The following MARCHF8 variants were observed in gnomAD, a reference collection of about 807,000 sequenced individuals.
MARCHF8 encodes the protein membrane associated ring-CH-type finger 8, also known as E3 ubiquitin-protein ligase MARCHF8.
In MARCHF8, 40 loss-of-function variants were observed where a neutral mutation model predicts 51.6. The observed-to-expected ratio is 0.77, with a 90% CI of 0.60 to 1.01. The LOEUF (loss-of-function observed/expected upper bound fraction) is 1.01. Among genes scored for constraint, MARCHF8 ranks in the 50% least tolerant of loss-of-function variants. The pLI is 0.00. For synonymous variants in MARCHF8, 263 were observed against 280.3 expected (o/e 0.94, Z 0.62); for missense variants, 685 against 708.6 (o/e 0.97, Z 0.38).
chr10:45,512,923 A>AC (rs2043555474), intron 2 of MARCHF8, among the ~76,000 whole-genome samples: 1 of 151,756 alleles, frequency 6.6e-6, no homozygotes, highest in Non-Finnish European at 1.5e-5. Flanking sequence ...CGGTGACCTT[A>AC]CCCCCAACCC....
chr10:45,459,099 T>C, intron 7 of MARCHF8, 21 bp downstream of exon 7: 1 of 1,613,634 alleles, frequency 6.2e-7, no homozygotes, highest in Non-Finnish European at 8.5e-7. Context: ...ATGCTGAGCT[T>C]GCTCCAGCCT....
At chr10:45,477,295 G>A (rs78750625) in intron 3 of MARCHF8, among the ~76,000 whole-genome samples, 2,948 of 152,280 alleles carry the variant, frequency 0.019, 47 homozygotes, top group South Asian at 0.076. Flanking sequence ...AGCAAAAGCT[G>A]AGGGAATTCA....
intron 3 of MARCHF8, among the ~76,000 whole-genome samples, chr10:45,474,387 G>C (rs903942220): frequency 6.6e-6 from 1 of 152,024 alleles, no homozygotes; most frequent in Non-Finnish European, 1.5e-5. Flanking sequence ...GGTACCCCGA[G>C]ACAATGGCCC....
intron 1 of MARCHF8, among the ~76,000 whole-genome samples, chr10:45,566,114 G>T (rs1281168946): frequency 6.6e-6 from 1 of 152,098 alleles, no homozygotes; most frequent in Non-Finnish European, 1.5e-5. Flanking sequence ...ATGTGGCACT[G>T]AACAGACTGG....
chr10:45,546,263 C>T (rs1244603485), intron 1 of MARCHF8, among the ~76,000 whole-genome samples: 1 of 151,902 alleles, frequency 6.6e-6, no homozygotes, highest in South Asian at 2.1e-4. Context: ...CTGGTTCAAG[C>T]GATTGCGCTG....
intron 1 of MARCHF8, among the ~76,000 whole-genome samples, chr10:45,576,684 G>A (rs2044492887): frequency 6.6e-6 from 1 of 151,832 alleles, no homozygotes; most frequent in Non-Finnish European, 1.5e-5. Flanking sequence ...CACTCTGGGA[G>A]GCCAAGGCAG....
chr10:45,578,003 CAG>C (rs2044509163), intron 1 of MARCHF8, among the ~76,000 whole-genome samples: 2 of 152,130 alleles, frequency 1.3e-5, no homozygotes, highest in Non-Finnish European at 2.9e-5. Context: ...GCCTAGGAGA[CAG>C]AGTGAGACCC....
At position 45,561,675 on chromosome 10, in the gene MARCHF8, C is replaced by T. The variant is rs909300054; in HGVS notation, c.-78-28386G>A. Among the ~76,000 whole-genome samples, 22 of 150,656 alleles carry T rather than the reference C, an allele frequency of 1.5e-4. No individual in the cohort carries two copies. The East Asian group carries it at 4.4e-3, about 30-fold the overall frequency. On this transcript the variant is annotated intron_variant, in intron 1 of 6. Transcript: ENST00000319836. Reference sequence around the variant, plus strand: ...CAGCACTTTGGGAGGCTGAGGCGGGCAGATCACAAGGTCAGGAGATCGAGA... The same window carrying T: ...CAGCACTTTGGGAGGCTGAGGCGGGTAGATCACAAGGTCAGGAGATCGAGA...
chr10:45,502,667 G>T (rs1029919782), intron 2 of MARCHF8, among the ~76,000 whole-genome samples: 1 of 152,112 alleles, frequency 6.6e-6, no homozygotes, highest in Non-Finnish European at 1.5e-5. Context: ...TGACAAAAGA[G>T]ACCTGTTTAC....
At chr10:45,501,918 G>T (rs10900222) in intron 2 of MARCHF8, among the ~76,000 whole-genome samples, 48,753 of 151,790 alleles carry the variant, frequency 0.32, 7,997 homozygotes, top group Admixed American at 0.37. Context: ...ATAAATGAAA[G>T]TAAAATCACA....
intron 2 of MARCHF8, among the ~76,000 whole-genome samples, chr10:45,490,623 TA>T (rs973908630): frequency 1.1e-4 from 16 of 146,476 alleles, no homozygotes; most frequent in South Asian, 4.3e-4. Flanking sequence ...TGACTTTCTT[TA>T]AAAAAAAAAA....
At chr10:45,592,476 A>G (rs2133451587) in intron 1 of MARCHF8, among the ~76,000 whole-genome samples, 1 of 152,292 alleles carries the variant, frequency 6.6e-6, no homozygotes, top group South Asian at 2.1e-4. Flanking sequence ...GGGGGGAAAA[A>G]GCACATACCA....
chr10:45,509,212 C>T (rs1203906861), intron 2 of MARCHF8, among the ~76,000 whole-genome samples: 1 of 152,122 alleles, frequency 6.6e-6, no homozygotes, highest in Non-Finnish European at 1.5e-5. Context: ...TACTACTAAC[C>T]CCACATCCAG....
At chr10:45,577,164 A>T (rs1264116114) in intron 1 of MARCHF8, among the ~76,000 whole-genome samples, 1 of 152,040 alleles carries the variant, frequency 6.6e-6, no homozygotes, top group Non-Finnish European at 1.5e-5. Context: ...TGGGATCTAA[A>T]AATCAAAACA....
Position 45,576,719 on chromosome 10 carries a change from C to A in MARCHF8, c.-79+17516G>T, listed in dbSNP as rs929061265. On this transcript the variant is annotated intron_variant, in intron 1 of 6. Transcript: ENST00000319836. ...GGAGAATTGTTTGAGCTCAGGAATA[C>A]AAAACTAGCCTGGACAACACAGTGA... 5.6e-5 allele frequency among the ~76,000 whole-genome samples: 8 copies of A among 142,302 alleles called. No individual in the cohort carries two copies. In the South Asian group the frequency reaches 1.4e-3, roughly 24 times the overall value. 93.4% of individuals were successfully genotyped at this position (142,302 alleles called of 152,430 possible). A position where few individuals can be genotyped will look rare whatever the true frequency, so the allele number is the denominator to read the frequency against.
chr10:45,550,546 C>T (rs2044183118), intron 1 of MARCHF8, among the ~76,000 whole-genome samples: 1 of 152,218 alleles, frequency 6.6e-6, no homozygotes, highest in African/African-American at 2.4e-5. Context: ...CAGGCCAGAA[C>T]AAGCATATTC....
chr10:45,573,337 A>G lies in MARCHF8; in HGVS notation c.-79+20898T>C, dbSNP rs528441364. Among the ~76,000 whole-genome samples, 1,152 of 152,342 alleles carry G rather than the reference A, an allele frequency of 7.6e-3. 5 individuals are homozygous for G. The highest frequency in any genetic ancestry group is 0.022 in the South Asian group (104 of 4,826). ...AGGTGTACAATAATAAAGTAGAGGC[A>G]GCCAAGTAGCAATGTATTTCTGAGT... On this transcript the variant is annotated intron_variant, in intron 1 of 6. Coordinates refer to the MARCHF8 transcript ENST00000319836.
intron 2 of MARCHF8, among the ~76,000 whole-genome samples, chr10:45,495,825 AAGAAAAG>A (rs974299741): frequency 2.7e-5 from 4 of 150,662 alleles, no homozygotes; most frequent in Admixed American, 6.6e-5. Flanking sequence ...AAAGGAAAGG[AAGAAAAG>A]AGAAAAGAGA....
intron 2 of MARCHF8, among the ~76,000 whole-genome samples, chr10:45,514,490 G>T (rs1227662685): frequency 6.6e-6 from 1 of 152,266 alleles, no homozygotes; most frequent in East Asian, 1.9e-4. Context: ...GGCTGTCGCA[G>T]CTGGACTTGT....
Sources: gnomAD v4.1 joint callset for allele counts (sites outside exome capture counted in the v4.1 genomes callset) on GRCh38, gnomAD v4.1.1 for gene constraint, MANE v1.5 for transcripts, NCBI Gene and HGNC (gene_info 2026-07-23, HGNC 2026-07-21) for gene names.